NELL1: variants seen among roughly 807,000 people sequenced by gnomAD.
The protein encoded by NELL1 is neural EGFL like 1, also known as protein kinase C-binding protein NELL1.
Under a neutral mutation model 107.4 loss-of-function variants are expected in NELL1, and 76 were observed. The ratio of observed to expected loss-of-function variants is 0.71; its 90% confidence interval spans 0.59 to 0.86. NELL1 has a LOEUF of 0.86. NELL1 is among the 40% of genes least tolerant of loss of function. The pLI is 0.00. For synonymous variants in NELL1, 353 were observed against 341.2 expected, an observed-to-expected ratio of 1.03 and a Z score of -0.38; for missense variants, 1,024 against 1,005.5, an observed-to-expected ratio of 1.02 and a Z score of -0.25.
chr11:20,916,173 A>G (rs1159327727), intron 5 of NELL1, among the ~76,000 whole-genome samples: 1 of 151,850 alleles, frequency 6.6e-6, no homozygotes, highest in Non-Finnish European at 1.5e-5. Flanking sequence ...GTTAATGAGC[A>G]TTGGGAAGCT....
At chr11:21,324,780 G>A (rs1037997522) in intron 14 of NELL1, among the ~76,000 whole-genome samples, 1 of 152,086 alleles carries the variant, frequency 6.6e-6, no homozygotes, top group Admixed American at 6.6e-5. Context: ...AACAGAAGAG[G>A]GAAGAGAGAA....
At chr11:20,814,924 C>G (rs996303381) in intron 3 of NELL1, among the ~76,000 whole-genome samples, 5 of 152,192 alleles carry the variant, frequency 3.3e-5, no homozygotes, top group Non-Finnish European at 7.3e-5. Context: ...TACGTTCTCA[C>G]CAGTAGTGTG....
At chr11:21,410,001 T>G (rs1164023515) in intron 15 of NELL1, among the ~76,000 whole-genome samples, 1 of 152,082 alleles carries the variant, frequency 6.6e-6, no homozygotes, top group African/African-American at 2.4e-5. Context: ...AGATTTTATT[T>G]ATGTTAAAAA....
chr11:21,184,688 A>G (rs150959074), intron 13 of NELL1, among the ~76,000 whole-genome samples: 2 of 151,796 alleles, frequency 1.3e-5, no homozygotes, highest in East Asian at 3.9e-4. Context: ...TTCCTACAAA[A>G]GCATTTAATT....
Position 21,434,388 on chromosome 11 carries a change from T to C in NELL1, c.1645+63440T>C, listed in dbSNP as rs547842148. Among the ~76,000 whole-genome samples, 279 of 152,304 alleles carry C rather than the reference T, an allele frequency of 1.8e-3. 3 individuals carry two copies. Among genetic ancestry groups the C allele is most frequent in the Admixed American group, 5.1e-3 (78 of 15,298 alleles). The stretch of plus-strand genomic sequence containing the variant: ...TTGCATATGGTGAGATATGGGGCTC[T>C]AGTTTCATTGTTCTTGATGTGGATA... On this transcript the variant is annotated intron_variant, in intron 15 of 19. Coordinates refer to ENST00000357134, the MANE Select transcript of NELL1 (RefSeq NM_006157.5).
At chr11:20,770,361 G>A (rs1022544862) in intron 2 of NELL1, among the ~76,000 whole-genome samples, 4 of 152,164 alleles carry the variant, frequency 2.6e-5, no homozygotes, top group Admixed American at 6.5e-5. Flanking sequence ...AAAACAGCAA[G>A]TCTGCCAAAG....
At chr11:21,426,723 A>C (rs572673822) in intron 15 of NELL1, among the ~76,000 whole-genome samples, 36 of 152,190 alleles carry the variant, frequency 2.4e-4, no homozygotes, top group Non-Finnish European at 4.3e-4. Flanking sequence ...TGTATCAGGC[A>C]GGGTGCAGTC....
chr11:21,041,342 T>C (rs1043967927), intron 12 of NELL1, among the ~76,000 whole-genome samples: 1 of 152,204 alleles, frequency 6.6e-6, no homozygotes, highest in Non-Finnish European at 1.5e-5. Context: ...AATATAAATA[T>C]AATATCATGG....
intron 15 of NELL1, among the ~76,000 whole-genome samples, chr11:21,487,806 CAAGT>C (rs1564919425): frequency 1.3e-5 from 2 of 152,002 alleles, no homozygotes; most frequent in Admixed American, 6.6e-5. Context: ...TGTAAGGACA[CAAGT>C]AAACTGAAAA....
At chr11:21,131,055 G>C (rs1855603734) in intron 13 of NELL1, among the ~76,000 whole-genome samples, 1 of 98,598 alleles carries the variant, frequency 1.0e-5, no homozygotes, top group African/African-American at 4.2e-5. Flanking sequence ...TGAGTATCTG[G>C]GGACATGCAT....
intron 3 of NELL1, among the ~76,000 whole-genome samples, chr11:20,824,387 G>A (rs1221476424): frequency 6.6e-6 from 1 of 151,184 alleles, no homozygotes; most frequent in African/African-American, 2.4e-5. Context: ...GTGGGTTGCT[G>A]CCATAAGGAT....
chr11:21,215,924 A>C (rs954914938), intron 13 of NELL1, among the ~76,000 whole-genome samples: 1 of 152,208 alleles, frequency 6.6e-6, no homozygotes, highest in African/African-American at 2.4e-5. Context: ...CTGAGTGTTA[A>C]TCACCAAGGC....
intron 5 of NELL1, among the ~76,000 whole-genome samples, chr11:20,912,021 C>G (rs75252695): frequency 1.4e-3 from 217 of 152,316 alleles, no homozygotes; most frequent in African/African-American, 5.1e-3. Flanking sequence ...ATGGATTCAA[C>G]AACCACATCT....
intron 14 of NELL1, among the ~76,000 whole-genome samples, chr11:21,272,555 G>A (rs1372853604): frequency 6.6e-6 from 1 of 152,212 alleles, no homozygotes; most frequent in Non-Finnish European, 1.5e-5. Flanking sequence ...GAAGAGAGTA[G>A]TGGTTCTCCC....
intron 9 of NELL1, among the ~76,000 whole-genome samples, chr11:20,929,225 T>G (rs1850565446): frequency 6.6e-6 from 1 of 152,126 alleles, no homozygotes. Context: ...AGAGTTCTGG[T>G]CAGAAATGTG....
At chr11:20,796,213 A>G (rs779842386) in intron 3 of NELL1, among the ~76,000 whole-genome samples, 6 of 152,224 alleles carry the variant, frequency 3.9e-5, no homozygotes, top group Non-Finnish European at 7.3e-5. Flanking sequence ...GTTGTTATAG[A>G]TAATCTAAAA....
At chr11:21,098,328 T>G (rs1055824525) in intron 12 of NELL1, among the ~76,000 whole-genome samples, 1 of 152,254 alleles carries the variant, frequency 6.6e-6, no homozygotes, top group African/African-American at 2.4e-5. Flanking sequence ...GTTCCATGCA[T>G]ATTTCGTACA....
chr11:20,980,979 T>A (rs1391031002), intron 12 of NELL1, among the ~76,000 whole-genome samples: 1 of 152,198 alleles, frequency 6.6e-6, no homozygotes, highest in Non-Finnish European at 1.5e-5. Context: ...AGAAAAGGAC[T>A]GTTTTGTCAG....
intron 16 of NELL1, 71 bp from the exon 17 acceptor site, chr11:21,560,115 ACTG>A: frequency 7.4e-7 from 1 of 1,355,050 alleles, no homozygotes; most frequent in Non-Finnish European, 1.1e-6. Context: ...AGTTAATGCT[ACTG>A]CAAATGATGG....
Sources: allele counts gnomAD v4.1 joint callset (sites outside exome capture counted in the v4.1 genomes callset), GRCh38; gene constraint gnomAD v4.1.1; transcripts MANE v1.5; gene names NCBI Gene and HGNC (gene_info 2026-07-23, HGNC 2026-07-21).